Variants in NNMT observed in about 807,000 individuals in gnomAD.
The protein encoded by NNMT is nicotinamide N-methyltransferase.
In NNMT, 10 loss-of-function variants were observed where a neutral mutation model predicts 11.7. The ratio of observed to expected loss-of-function variants is 0.85; its 90% CI spans 0.53 to 1.45. The LOEUF (loss-of-function observed/expected upper bound fraction) is 1.45. Among genes scored for constraint, NNMT ranks in the 40% most tolerant of loss-of-function variants. The pLI is 0.00. For missense variants in NNMT, 381 were observed against 319.4 expected (o/e 1.19, Z -1.47); for synonymous variants, 143 against 133.8 (o/e 1.07, Z -0.48).
At chr11:114,266,853 G>C (rs1945124202) in intron 2 of NNMT, among the ~76,000 whole-genome samples, 1 of 152,226 alleles carries the variant, frequency 6.6e-6, no homozygotes, top group African/African-American at 2.4e-5. Flanking sequence ...CCAGATGGCT[G>C]GTGCCATGCC....
chr11:114,290,770 T>C (rs1254236093), intron 2 of NNMT, among the ~76,000 whole-genome samples: 1 of 152,232 alleles, frequency 6.6e-6, no homozygotes, highest in Non-Finnish European at 1.5e-5. Flanking sequence ...GTGGCAAGCT[T>C]TTAGTTTTGC....
At position 114,309,978 on chromosome 11, in the gene NNMT, A is replaced by G. The variant is rs1013924209; in HGVS notation, c.363-2067A>G. On this transcript the variant is annotated intron_variant, in intron 2 of 2. Transcript: ENST00000299964. ...AGAATTTCATTTCTTTTTGTTGCCA[A>G]ATAATATTCCATTATATGTATATAT... 4.7e-4 allele frequency among the ~76,000 whole-genome samples: 71 copies of G among 152,356 alleles called. 1 individual carries two copies. Among genetic ancestry groups the G allele is most frequent in the East Asian group, 5.8e-4 (3 of 5,194 alleles).
rs771027408 is a variant in NNMT at position 114,298,138 on chromosome 11, G to A, written c.342G>A (p.Val114=). The A allele has an allele frequency of 6.2e-7, 1 of 1,614,184 alleles. No homozygotes were observed. Among genetic ancestry groups the A allele is most frequent in the South Asian group, 1.1e-5 (1 of 91,080 alleles). ...AFDWSPVVTY[V]CDLEGNRVKG... ...ACTGGTCCCCAGTGGTGACCTATGT[G>A]TGTGATCTTGAAGGGAACAGGTAGA... Residue 114 remains valine (V), a synonymous_variant, in exon 2 of 3, where the codon GTG becomes GTA. Coordinates refer to ENST00000299964, the MANE Select transcript of NNMT (RefSeq NM_006169.3).
chr11:114,280,975 G>A (rs867763659), intron 2 of NNMT, among the ~76,000 whole-genome samples: 4 of 152,254 alleles, frequency 2.6e-5, no homozygotes, highest in Non-Finnish European at 4.4e-5. Context: ...ACCTCCACCC[G>A]GCCATGTATT....
chr11:114,297,990 G>A lies in NNMT; in HGVS notation c.194G>A (p.Gly65Asp). ...KGDLLIDIGS[G>D]PTIYQLLSAC... is the part of the protein sequence containing the mutation. ...GACCTGCTGATTGACATCGGCTCTG[G>A]CCCCACTATCTATCAGCTCCTCTCT... The change falls in exon 2 of 3, where the codon GGC (glycine) becomes GAC (aspartate). Residue 65 changes from glycine (G) to aspartate (D), a missense_variant. Gly to Asp is a moderately conservative substitution (Grantham distance 94). Transcript: ENST00000299964. 1.2e-6 allele frequency: 2 copies of A among 1,613,436 alleles called. No homozygotes were observed. Among genetic ancestry groups the A allele is most frequent in the South Asian group, 2.2e-5 (2 of 91,048 alleles).
chr11:114,289,647 G>C, intron 2 of NNMT, among the ~76,000 whole-genome samples: 1 of 152,134 alleles, frequency 6.6e-6, no homozygotes, highest in East Asian at 1.9e-4. Flanking sequence ...AAACAAATAA[G>C]GGTGTTTTAG....
At chr11:114,279,446 T>C (rs1001509442) in intron 2 of NNMT, among the ~76,000 whole-genome samples, 1 of 152,132 alleles carries the variant, frequency 6.6e-6, no homozygotes, top group Admixed American at 6.5e-5. Context: ...GGGTGATGGT[T>C]GGAAAGGCAT....
At chr11:114,260,726 G>A (rs754433929) in intron 1 of NNMT, among the ~76,000 whole-genome samples, 7 of 152,206 alleles carry the variant, frequency 4.6e-5, no homozygotes, top group Non-Finnish European at 1.0e-4. Flanking sequence ...CCCCATCAGG[G>A]TGCAGCATAC....
upstream of NNMT, among the ~76,000 whole-genome samples, chr11:114,294,200 A>G (rs1035318562): frequency 5.3e-5 from 8 of 152,068 alleles, no homozygotes; most frequent in Non-Finnish European, 8.8e-5. Flanking sequence ...AAATAGTTAG[A>G]GGCCAGGCGC....
chr11:114,303,541 A>G (rs1314710749), intron 2 of NNMT, among the ~76,000 whole-genome samples: 2 of 152,202 alleles, frequency 1.3e-5, no homozygotes, highest in Non-Finnish European at 2.9e-5. Flanking sequence ...ATTTTGGTTC[A>G]TCTGTCAACT....
chr11:114,312,550 G>T lies in NNMT; in HGVS notation c.*73G>T. 6.9e-7 allele frequency: 1 copy of T among 1,452,074 alleles called. No homozygotes were observed. The highest frequency in any genetic ancestry group is 1.3e-5 in the South Asian group (1 of 79,770). The allele number at this position is 1,452,074 out of a possible 1,614,324, so 89.9% of individuals were successfully genotyped here. A position where few individuals can be genotyped will look rare whatever the true frequency, so the allele number is the denominator to read the frequency against. On this transcript the variant is annotated 3_prime_UTR_variant, in exon 3 of 3. Transcript: ENST00000299964. ...TTTAGTCCTTGTTTCTAACTGCCAA[G>T]TCATGTGCTGAGTAGAGGCTCAGTG...
At chr11:114,263,489 C>CAATTATTTA (rs1277082826) in intron 2 of NNMT, among the ~76,000 whole-genome samples, 1 of 152,158 alleles carries the variant, frequency 6.6e-6, no homozygotes, top group Non-Finnish European at 1.5e-5. Flanking sequence ...AGACAGCAGT[C>CAATTATTTA]AATTATTTAC....
chr11:114,308,902 C>G (rs1234446386), intron 2 of NNMT, among the ~76,000 whole-genome samples: 1 of 152,208 alleles, frequency 6.6e-6, no homozygotes, highest in Non-Finnish European at 1.5e-5. Context: ...TTGGCACATT[C>G]TCTGTGAGCT....
intron 2 of NNMT, among the ~76,000 whole-genome samples, chr11:114,279,388 G>A (rs1260387714): frequency 6.6e-6 from 1 of 152,202 alleles, no homozygotes; most frequent in Non-Finnish European, 1.5e-5. Flanking sequence ...CTGGGGAACT[G>A]GAGAAGACTT....
chr11:114,300,439 T>C (rs922718351), intron 2 of NNMT, among the ~76,000 whole-genome samples: 4 of 152,188 alleles, frequency 2.6e-5, no homozygotes, highest in Admixed American at 2.6e-4. Flanking sequence ...GCTCTGCATA[T>C]GGTCTATCTC....
chr11:114,273,694 G>T (rs1945189833), intron 2 of NNMT, among the ~76,000 whole-genome samples: 1 of 152,130 alleles, frequency 6.6e-6, no homozygotes, highest in African/African-American at 2.4e-5. Context: ...ACTAAAATTA[G>T]CCGGGTATGG....
At chr11:114,292,868 T>A (rs1299748926), upstream of NNMT, among the ~76,000 whole-genome samples, 1 of 152,140 alleles carries the variant, frequency 6.6e-6, no homozygotes, top group Non-Finnish European at 1.5e-5. Flanking sequence ...TGTCTAAAAT[T>A]CCCTGGTAAA....
intron 2 of NNMT, among the ~76,000 whole-genome samples, chr11:114,281,994 A>T (rs1945266319): frequency 6.6e-6 from 1 of 152,124 alleles, no homozygotes; most frequent in Admixed American, 6.5e-5. Flanking sequence ...AATGAAGTAC[A>T]CTCAAGAGGA....
intron 1 of NNMT, among the ~76,000 whole-genome samples, chr11:114,261,150 C>G (rs1945077361): frequency 6.6e-6 from 1 of 152,180 alleles, no homozygotes. Flanking sequence ...AGCCAGGGAC[C>G]CAGGAGCCTG....
Sources: gnomAD v4.1 joint callset for allele counts (sites outside exome capture counted in the v4.1 genomes callset) on GRCh38, gnomAD v4.1.1 for gene constraint, MANE v1.5 for transcripts, NCBI Gene and HGNC (gene_info 2026-07-23, HGNC 2026-07-21) for gene names.